INPP5D: variants seen among roughly 807,000 people sequenced by gnomAD.
The protein encoded by INPP5D is phosphatidylinositol 3,4,5-trisphosphate 5-phosphatase 1.
A neutral mutation model predicts 122.9 loss-of-function variants in INPP5D; 33 were observed. That is an observed-to-expected ratio of 0.27 (90% CI 0.20 to 0.36). INPP5D has a LOEUF of 0.36. INPP5D is among the 10% of genes least tolerant of loss of function. The pLI, the probability that INPP5D is intolerant of heterozygous loss-of-function variation, is 1.00. For synonymous variants in INPP5D, 584 were observed against 576.2 expected (o/e 1.01, Z -0.19); for missense variants, 1,053 against 1,412.7 (o/e 0.75, Z 4.08).
chr2:233,169,819 C>A, intron 14 of INPP5D: 1 of 834,700 alleles, frequency 1.2e-6, no homozygotes, highest in Non-Finnish European at 1.8e-6. Flanking sequence ...TCTGTACACC[C>A]AATGTGGCCT....
intron 25 of INPP5D, among the ~76,000 whole-genome samples, chr2:233,200,889 AG>A (rs1695312410): frequency 6.6e-6 from 1 of 151,886 alleles, no homozygotes; most frequent in Admixed American, 6.6e-5. Flanking sequence ...TGAACCCGGG[AG>A]GCGGAGGTTG....
intron 2 of INPP5D, among the ~76,000 whole-genome samples, chr2:233,085,445 A>C (rs1007979066): frequency 2.0e-5 from 3 of 151,868 alleles, no homozygotes; most frequent in Admixed American, 1.3e-4. Context: ...TCCAAGGCCA[A>C]ACTTGTGCTG....
chr2:233,081,176 A>C (rs1691679786), intron 2 of INPP5D, among the ~76,000 whole-genome samples: 1 of 152,196 alleles, frequency 6.6e-6, no homozygotes, highest in African/African-American at 2.4e-5. Context: ...GCTATTTGCC[A>C]TGGGAATGTC....
In INPP5D at chr2:233,198,140, C is replaced by A; in HGVS notation, c.2739C>A (p.Pro913=). 6.2e-7 allele frequency: 1 copy of A among 1,613,140 alleles called. No homozygotes were observed. Among genetic ancestry groups the A allele is most frequent in the Non-Finnish European group, 8.5e-7 (1 of 1,179,780 alleles). Residue 913 remains proline (P), a synonymous_variant, in exon 25 of 27, where the codon CCC becomes CCA. Coordinates refer to ENST00000445964, the MANE Select transcript of INPP5D (RefSeq NM_001017915.3). ...CCAGCATCACTGAAATCATCAACCC[C>A]AACTACATGGGAGTGGGGCCCTTTG... ...SGSSITEIIN[P]NYMGVGPFGP...
At chr2:233,068,846 G>A (rs1011938203) in intron 1 of INPP5D, among the ~76,000 whole-genome samples, 2 of 152,208 alleles carry the variant, frequency 1.3e-5, no homozygotes, top group African/African-American at 4.8e-5. Context: ...CCCCTGTGAC[G>A]GAGGCTGCTG....
intron 13 of INPP5D, among the ~76,000 whole-genome samples, chr2:233,167,196 T>G: frequency 1.7e-5 from 2 of 116,454 alleles, no homozygotes; most frequent in Non-Finnish European, 3.5e-5. Context: ...CATAGGAAGG[T>G]ACCATTTCTA....
At position 233,105,049 on chromosome 2, in the gene INPP5D, C is replaced by T. The variant is rs923458353; in HGVS notation, c.199-17058C>T. Reference sequence around the variant, plus strand: ...CACATGTACTCCAGGCCCCCATTGGCTGTCTTGGGTAGGGATAGGGAATGT... The same window carrying T: ...CACATGTACTCCAGGCCCCCATTGGTTGTCTTGGGTAGGGATAGGGAATGT... On this transcript the variant is annotated intron_variant, in intron 2 of 26. Coordinates refer to ENST00000445964, the MANE Select transcript of INPP5D (RefSeq NM_001017915.3). This position sits in a 1 kb window ranked among gnomAD's most constrained non-coding sequence, Gnocchi z 4.0. Among the ~76,000 whole-genome samples, 1 of 152,206 alleles carries T rather than the reference C, an allele frequency of 6.6e-6. No individual in the cohort carries two copies. Among genetic ancestry groups the T allele is most frequent in the South Asian group, 2.1e-4 (1 of 4,832 alleles).
At position 233,197,420 on chromosome 2, in the gene INPP5D, C is replaced by A. The variant is rs1695212565; in HGVS notation, c.2694-675C>A. Among the ~76,000 whole-genome samples, 1 of 152,098 alleles carries A rather than the reference C, an allele frequency of 6.6e-6. No individual in the cohort carries two copies. The highest frequency in any genetic ancestry group is 1.5e-5 in the Non-Finnish European group (1 of 68,020). ...GTGAGCTGATGTGTTCCAGAGGAAC[C>A]CCTGCTGGAGTCTGCCCTGAAAATC... On this transcript the variant is annotated intron_variant, in intron 24 of 26. Coordinates refer to ENST00000445964, the MANE Select transcript of INPP5D (RefSeq NM_001017915.3). This position sits in a 1 kb window ranked among gnomAD's most constrained non-coding sequence, Gnocchi z 4.4.
intron 1 of INPP5D, among the ~76,000 whole-genome samples, chr2:233,062,605 G>A (rs1464547949): frequency 6.6e-6 from 1 of 152,200 alleles, no homozygotes; most frequent in Non-Finnish European, 1.5e-5. Context: ...AGAGGGACCT[G>A]TGGTGCCTAC....
At chr2:233,065,953 A>ATTTTTTTT (rs1357432161) in intron 1 of INPP5D, among the ~76,000 whole-genome samples, 11,604 of 148,708 alleles carry the variant, frequency 0.078, 923 homozygotes, top group East Asian at 0.25. Flanking sequence ...CCTTTTTTTA[A>ATTTTTTTT]AATTATTATT....
chr2:233,207,528 C>T lies in INPP5D; in HGVS notation c.*820C>T, dbSNP rs1391660502. ...CCTGTGCCAGGTTCCCTGTGCCCTC[C>T]TCGAGGTGGGCAGCCATCACCAGCC... On this transcript the variant is annotated 3_prime_UTR_variant, in exon 27 of 27. Coordinates refer to ENST00000445964, the MANE Select transcript of INPP5D (RefSeq NM_001017915.3). The surrounding 1 kb of genome is among the most constrained non-coding windows in gnomAD (Gnocchi z 4.6). 6.6e-6 allele frequency: 1 copy of T among 152,406 alleles called. No individual in the cohort carries two copies. Among genetic ancestry groups the T allele is most frequent in the African/African-American group, 2.4e-5 (1 of 41,454 alleles). 9.4% of individuals were successfully genotyped at this position (152,406 alleles called of 1,614,324 possible).
At chr2:233,169,581 C>A (rs1179811373) in intron 14 of INPP5D, 180 bp downstream of exon 14, 5 of 928,948 alleles carry the variant, frequency 5.4e-6, no homozygotes, top group African/African-American at 1.7e-5. Flanking sequence ...AGTGACCTCA[C>A]GTGTGGAGGA....
chr2:233,147,661 C>T (rs1051428220), intron 9 of INPP5D, 67 bp downstream of exon 9: 17 of 691,730 alleles, frequency 2.5e-5, no homozygotes, highest in Non-Finnish European at 4.3e-5. Flanking sequence ...CCTCTCAGCT[C>T]ACCTCTCAGA....
At chr2:233,108,742 C>T (rs1415465333) in intron 2 of INPP5D, among the ~76,000 whole-genome samples, 2 of 152,236 alleles carry the variant, frequency 1.3e-5, no homozygotes, top group African/African-American at 4.8e-5. Flanking sequence ...TCCCTGCTCC[C>T]TCCCAGGGCA....
Position 233,160,020 on chromosome 2 carries a change from C to T in INPP5D, c.1137+1601C>T, listed in dbSNP as rs1694161621. On this transcript the variant is annotated intron_variant, in intron 10 of 26. Transcript: ENST00000445964. This position sits in a 1 kb window ranked among gnomAD's most constrained non-coding sequence, Gnocchi z 4.2. ...CTGGGCTGGAATGCTTTCTGAGCACCTGGGCATAGGTTCAAACACCAGCTC... is the reference window on the plus strand; with the variant it reads ...CTGGGCTGGAATGCTTTCTGAGCACTTGGGCATAGGTTCAAACACCAGCTC... Among the ~76,000 whole-genome samples, 1 of 152,152 alleles carries T rather than the reference C, an allele frequency of 6.6e-6. No individual in the cohort carries two copies.
chr2:233,139,128 C>T (rs886923214), intron 5 of INPP5D, among the ~76,000 whole-genome samples: 57 of 152,210 alleles, frequency 3.7e-4, no homozygotes, highest in African/African-American at 1.3e-3. Context: ...AGCACATTTA[C>T]TCAATAGACT....
chr2:233,150,028 T>C (rs778289822), intron 9 of INPP5D, among the ~76,000 whole-genome samples: 5 of 152,106 alleles, frequency 3.3e-5, no homozygotes, highest in African/African-American at 7.2e-5. Flanking sequence ...TGGTGGCCCC[T>C]GTGTATAGTG....
intron 6 of INPP5D, among the ~76,000 whole-genome samples, chr2:233,142,307 G>C (rs1321160442): frequency 2.0e-5 from 3 of 152,200 alleles, no homozygotes; most frequent in African/African-American, 7.2e-5. Context: ...AATCAAGAGG[G>C]AGTTGAGGCT....
rs1319511118 is a variant in INPP5D, at chr2:233,204,413, G to T, written c.3263G>T (p.Cys1088Phe). The T allele has an allele frequency of 3.1e-6, 5 of 1,610,064 alleles. No homozygotes were observed. Among genetic ancestry groups the T allele is most frequent in the Non-Finnish European group, 4.2e-6 (5 of 1,178,756 alleles). ...VPAPRLRSFT[C>F]SSSAEGRAAG... ...GCGCCCCGGCTGCGCTCCTTCACGT[G>T]CTCATCCTCTGCCGAGGGCAGGGCG... Residue 1088 changes from cysteine (C) to phenylalanine (F), a missense_variant, in exon 26 of 27, where the codon TGC becomes TTC. Cys to Phe is a radical substitution (Grantham distance 205, BLOSUM62 -2). Transcript: ENST00000445964.
Sources: allele counts gnomAD v4.1 joint callset (sites outside exome capture counted in the v4.1 genomes callset), GRCh38; gene constraint gnomAD v4.1.1; non-coding constraint Gnocchi (gnomAD v3.1); transcripts MANE v1.5; gene names NCBI Gene and HGNC (gene_info 2026-07-23, HGNC 2026-07-21).